PFKL: variants seen among roughly 807,000 people sequenced by gnomAD.
The protein encoded by PFKL is ATP-dependent 6-phosphofructokinase, liver type.
PFKL carries 74 observed loss-of-function variants against 92.1 expected under a neutral mutation model. The ratio of observed to expected loss-of-function variants is 0.80; its 90% confidence interval spans 0.67 to 0.97. PFKL has a LOEUF of 0.97. PFKL is among the 50% of genes least tolerant of loss of function. PFKL has a pLI of 0.00. For missense variants in PFKL, 1,028 were observed against 1,116.6 expected (o/e 0.92, Z 1.13); for synonymous variants, 494 against 456.4 (o/e 1.08, Z -1.05).
rs1601988602 is a variant in PFKL at position 44,303,441 on chromosome 21, A to AAAAAAGACTTGATCG, written c.86-3235_86-3234insGACTTGATCGAAAAA. The stretch of plus-strand genomic sequence containing the variant: ...AAAAAAACAGACTTGACCAAAAAAA[A>AAAAAAGACTTGATCG]AAAAAAAAAAAAAATGGCCCGGCCT... On this transcript the variant is annotated intron_variant, in intron 1 of 21. Transcript: ENST00000349048. 1.8e-3 allele frequency among the ~76,000 whole-genome samples: 175 copies of AAAAAAGACTTGATCG among 97,114 alleles called. 25 individuals carry two copies. The highest frequency in any genetic ancestry group is 0.012 in the Middle Eastern group (2 of 170). The allele number at this position is 97,114 out of a possible 152,430, so 63.7% of individuals were successfully genotyped here.
chr21:44,317,303 CGT>C (rs1219446903), intron 9 of PFKL, among the ~76,000 whole-genome samples: 1 of 152,130 alleles, frequency 6.6e-6, no homozygotes, highest in Non-Finnish European at 1.5e-5. Flanking sequence ...CCCTGTGACT[CGT>C]GTGCTGAGCC....
Position 44,327,125 on chromosome 21 carries a change from C to A in PFKL, c.*263C>A. On this transcript the variant is annotated 3_prime_UTR_variant, in exon 22 of 22. Transcript: ENST00000349048. ...TCCTGCCCAGGGGACGTGGCGCTGTCGGTGTTTGGAGGCTGCTGCCCCCTG... is the reference window on the plus strand; with the variant it reads ...TCCTGCCCAGGGGACGTGGCGCTGTAGGTGTTTGGAGGCTGCTGCCCCCTG... The A allele has an allele frequency of 3.8e-6, 2 of 524,916 alleles. No homozygotes were observed. Among genetic ancestry groups the A allele is most frequent in the Non-Finnish European group, 6.9e-6 (2 of 289,316 alleles). 32.5% of individuals were successfully genotyped at this position (524,916 alleles called of 1,614,324 possible).
Position 44,322,162 on chromosome 21 carries a change from C to T in PFKL, c.1368C>T (p.Ala456=), listed in dbSNP as rs142617054. The change falls in exon 14 of 22, where the codon GCC becomes GCT. Residue 456 remains alanine (A), a synonymous_variant. Coordinates refer to ENST00000349048, the MANE Select transcript of PFKL (RefSeq NM_002626.6). ...QVQEVGWHDV[A]GWLGRGGSML... is the part of the protein sequence containing the mutation. The stretch of plus-strand genomic sequence containing the variant: ...AAGAAGTAGGCTGGCACGACGTGGC[C>T]GGCTGGTTGGGGCGTGGTGGCTCCA... 4.1e-5 allele frequency: 66 copies of T among 1,605,952 alleles called. No individual in the cohort carries two copies. The African/African-American group carries it at 6.4e-4, about 16-fold the overall frequency.
At chr21:44,304,963 C>A (rs1422092838) in intron 1 of PFKL, among the ~76,000 whole-genome samples, 1 of 152,156 alleles carries the variant, frequency 6.6e-6, no homozygotes, top group Non-Finnish European at 1.5e-5. Flanking sequence ...AGCTCCAGCT[C>A]CCTGCACGCT....
In PFKL at chr21:44,327,102, C is replaced by T; in HGVS notation, c.*240C>T. 1.8e-6 allele frequency: 1 copy of T among 567,624 alleles called. No homozygotes were observed. Among genetic ancestry groups the T allele is most frequent in the South Asian group, 2.1e-5 (1 of 47,654 alleles). The allele number at this position is 567,624 out of a possible 1,614,324, so 35.2% of individuals were successfully genotyped here. On this transcript the variant is annotated 3_prime_UTR_variant, in exon 22 of 22. Transcript: ENST00000349048. ...AGAGTGCCCTGGGGCATCCACCTTCCTGCCCAGGGGACGTGGCGCTGTCGG... is the reference window on the plus strand; with the variant it reads ...AGAGTGCCCTGGGGCATCCACCTTCTTGCCCAGGGGACGTGGCGCTGTCGG...
At chr21:44,325,631 A>T (rs2047484778) in intron 19 of PFKL, 1 of 481,300 alleles carries the variant, frequency 2.1e-6, no homozygotes, top group African/African-American at 1.9e-5. Flanking sequence ...TGAGCCAGGG[A>T]GGGGAGTCAG....
Position 44,318,593 on chromosome 21 carries a change from A to T in PFKL, c.1060A>T (p.Met354Leu). The T allele has an allele frequency of 6.6e-7, 1 of 1,503,882 alleles. No individual in the cohort carries two copies. Among genetic ancestry groups the T allele is most frequent in the Non-Finnish European group, 9.0e-7 (1 of 1,114,438 alleles). 93.2% of individuals were successfully genotyped at this position (1,503,882 alleles called of 1,614,324 possible). A position where few individuals can be genotyped will look rare whatever the true frequency, so the allele number is the denominator to read the frequency against. Residue 354 changes from methionine to leucine, a missense_variant and splice_region_variant, in exon 10 of 22, where the codon ATG becomes TTG. Met to Leu is a conservative substitution (Grantham distance 15). Coordinates refer to ENST00000349048, the MANE Select transcript of PFKL (RefSeq NM_002626.6). ...GCTGCCCCTCATGGAGTGCGTGCAG[A>T]TGGTAAGCCCTGGGCCCCCCCCATC... ...VRLPLMECVQ[M>L]TKEVQKAMDD...
chr21:44,314,455 G>A (rs764495424), intron 7 of PFKL: 25 of 180,440 alleles, frequency 1.4e-4, no homozygotes, highest in Non-Finnish European at 2.5e-4. Context: ...CCCTGAGGGC[G>A]GTCGGGGCCC....
chr21:44,326,330 C>G, intron 21 of PFKL, 66 bp downstream of exon 21: 1 of 1,245,028 alleles, frequency 8.0e-7, no homozygotes, highest in South Asian at 1.3e-5. Context: ...TTCCCTGAGG[C>G]AGGTGTGCCA....
chr21:44,325,228 C>T lies in PFKL; in HGVS notation c.1953C>T (p.Phe651=), dbSNP rs759161610. ...ACTCATCAGAGGGCAAGGGCGTCTT[C>T]GACTGCAGGACCAATGTCCTGGGCC... ...NLYSSEGKGV[F]DCRTNVLGHL... The change falls in exon 19 of 22, where the codon TTC becomes TTT. Residue 651 remains phenylalanine, a synonymous_variant. Coordinates refer to ENST00000349048, the MANE Select transcript of PFKL (RefSeq NM_002626.6). 3.2e-5 allele frequency: 51 copies of T among 1,612,648 alleles called. No homozygotes were observed. The highest frequency in any genetic ancestry group is 3.9e-5 in the Non-Finnish European group (46 of 1,179,454).
intron 2 of PFKL, chr21:44,307,239 A>G (rs2040977028): frequency 3.1e-6 from 3 of 982,518 alleles, no homozygotes; most frequent in Non-Finnish European, 3.6e-6. Context: ...TGCTGTGTCT[A>G]TGTTCATTGT....
At chr21:44,320,273 G>C (rs1230149027) in intron 12 of PFKL, 126 bp downstream of exon 12, 10 of 765,498 alleles carry the variant, frequency 1.3e-5, no homozygotes, top group Non-Finnish European at 1.9e-5. Flanking sequence ...CGAGCTGTGA[G>C]CTGGGAGGGT....
intron 10 of PFKL, 145 bp from the exon 11 acceptor site, chr21:44,319,206 G>A: frequency 2.9e-6 from 2 of 687,624 alleles, no homozygotes; most frequent in South Asian, 3.3e-5. Context: ...GGTGACCGCT[G>A]TTCCTAGGGA....
chr21:44,322,014 C>T, intron 13 of PFKL, 119 bp from the exon 14 acceptor site: 2 of 1,444,510 alleles, frequency 1.4e-6, no homozygotes, highest in Non-Finnish European at 1.9e-6. Context: ...GGCCTGGGTA[C>T]TCAGCTCTGC....
rs759875331 is a variant in PFKL at position 44,313,089 on chromosome 21, C to T, written c.539C>T (p.Ser180Leu). 24 of 1,612,970 alleles carry T rather than the reference C, an allele frequency of 1.5e-5. No individual in the cohort carries two copies. The highest frequency in any genetic ancestry group is 2.2e-5 in the East Asian group (1 of 44,892). Residue 180 changes from serine to leucine, a missense_variant, in exon 5 of 22, where the codon TCG (serine) becomes TTG (leucine). By Grantham distance (145) the Ser-to-Leu change is moderately radical. Transcript: ENST00000349048. ...ACCGACATGACCATCGGCACGGACT[C>T]GGCCCTCCACCGCATCATGGAGGTC... ...CGTDMTIGTD[S>L]ALHRIMEVID... is the part of the protein sequence containing the mutation.
chr21:44,325,640 AGGGTGGCTGGGCATG>A, intron 19 of PFKL: 1 of 488,162 alleles, frequency 2.0e-6, no homozygotes, highest in Non-Finnish European at 3.7e-6. Flanking sequence ...GAGGGGAGTC[AGGGTGGCTGGGCATG>A]GGGCCCGAGG....
chr21:44,314,697 G>A (rs2047151771), intron 7 of PFKL: 1 of 152,488 alleles, frequency 6.6e-6, no homozygotes, highest in Non-Finnish European at 1.5e-5. Flanking sequence ...AGAACAGGCT[G>A]ACACTGCCCT....
intron 16 of PFKL, among the ~76,000 whole-genome samples, chr21:44,324,198 G>A (rs1004295393): frequency 1.3e-5 from 2 of 152,152 alleles, no homozygotes; most frequent in African/African-American, 2.4e-5. Context: ...TAGTCTAAGA[G>A]CAGCGCCTGG....
At chr21:44,311,141 G>A in intron 3 of PFKL, 58 bp downstream of exon 3, 1 of 1,352,572 alleles carries the variant, frequency 7.4e-7, no homozygotes, top group Admixed American at 1.8e-5. Context: ...GACACACAGA[G>A]ACAGACCTGC....
Sources: gnomAD v4.1 joint callset for allele counts (sites outside exome capture counted in the v4.1 genomes callset) on GRCh38, gnomAD v4.1.1 for gene constraint, MANE v1.5 for transcripts, NCBI Gene and HGNC (gene_info 2026-07-23, HGNC 2026-07-21) for gene names.